Variants in PSG3 observed in about 807,000 individuals in gnomAD.
The protein encoded by PSG3 is pregnancy-specific beta-1-glycoprotein 3.
Under a neutral mutation model 47.5 loss-of-function variants are expected in PSG3, and 61 were observed. The observed-to-expected ratio is 1.28, with a 90% CI of 1.05 to 1.59. The LOEUF (loss-of-function observed/expected upper bound fraction) is 1.59, where lower values mean the gene tolerates loss of function less well. Ranked by LOEUF, PSG3 falls within the 40% of genes most tolerant of loss-of-function variation. The pLI, the probability that PSG3 is intolerant of heterozygous loss-of-function variation, is 0.00. For missense variants in PSG3, 756 were observed against 524.0 expected (o/e 1.44, Z -4.32); for synonymous variants, 263 against 198.4 (o/e 1.33, Z -2.74).
At chr19:42,729,022 G>A in intron 5 of PSG3, 101 bp downstream of exon 5, 1 of 1,599,244 alleles carries the variant, frequency 6.3e-7, no homozygotes, top group Non-Finnish European at 8.5e-7. Context: ...TTGTGCCCAT[G>A]GGACACAGGC....
chr19:42,736,612 TTGTGTGTGTGTGTG>T (rs61479007), intron 2 of PSG3, among the ~76,000 whole-genome samples: 45 of 138,740 alleles, frequency 3.2e-4, no homozygotes, highest in Middle Eastern at 7.0e-3. Context: ...TTCAATACAT[TTGTGTGTGTGTGTG>T]TGTGTGTGTG....
rs763988004 is a variant in PSG3 at position 42,732,811 on chromosome 19, T to C, written c.682A>G (p.Ser228Gly). The C allele has an allele frequency of 1.2e-5, 20 of 1,614,166 alleles. No homozygotes were observed. The East Asian group carries it at 1.8e-4, about 14-fold the overall frequency. The change falls in exon 3 of 7, where the codon AGT becomes GGT. Residue 228 changes from serine to glycine, a missense_variant. By Grantham distance (56) the Ser-to-Gly change is moderately conservative (BLOSUM62 0). Coordinates refer to ENST00000327495, the MANE Select transcript of PSG3 (RefSeq NM_021016.4). The stretch of plus-strand genomic sequence containing the variant: ...AGGAGATTCAGGGTGACTGGGTCAC[T>C]GCGGCTGGCACTCACTGGGTTCCGT... ...EIRNPVSASRSDPVTLNLLPK... is the reference protein window; with the variant it reads ...EIRNPVSASRGDPVTLNLLPK...
At chr19:42,725,670 G>T (rs1417310648) in intron 5 of PSG3, among the ~76,000 whole-genome samples, 1 of 152,004 alleles carries the variant, frequency 6.6e-6, no homozygotes, top group Non-Finnish European at 1.5e-5. Context: ...ACCAGCATAG[G>T]TAACCTGGGG....
intron 2 of PSG3, among the ~76,000 whole-genome samples, chr19:42,737,869 C>G (rs886307476): frequency 2.0e-5 from 3 of 152,206 alleles, no homozygotes; most frequent in South Asian, 2.1e-4. Context: ...TTCATGCTAT[C>G]TGTGAATAAA....
intron 2 of PSG3, among the ~76,000 whole-genome samples, chr19:42,738,490 C>G (rs1969604064): frequency 2.0e-5 from 3 of 152,186 alleles, no homozygotes; most frequent in Admixed American, 2.0e-4. Flanking sequence ...TGCTGAGTCC[C>G]CCCATCAGAC....
chr19:42,724,806 T>C (rs921703420), intron 5 of PSG3, among the ~76,000 whole-genome samples: 19 of 152,016 alleles, frequency 1.2e-4, no homozygotes, highest in African/African-American at 3.6e-4. Context: ...TGCACTTAGC[T>C]TTTTTTCTTT....
At position 42,729,207 on chromosome 19, in the gene PSG3, T is replaced by C; in HGVS notation, c.1159A>G (p.Lys387Glu). 6.2e-7 allele frequency: 1 copy of C among 1,613,956 alleles called. No homozygotes were observed. The highest frequency in any genetic ancestry group is 1.1e-5 in the South Asian group (1 of 91,078). Reference sequence around the variant, plus strand: ...GAGCAAGCATAGAGCCCGCTATGCTTTGTAGTAATCTGGGGGATAAAGAGC... The same window carrying C: ...GAGCAAGCATAGAGCCCGCTATGCTCTGTAGTAATCTGGGGGATAAAGAGC... ...QKLFIPQITT[K>E]HSGLYACSVR... The change falls in exon 5 of 7, where the codon AAG (lysine) becomes GAG (glutamate). Residue 387 changes from lysine to glutamate, a missense_variant. Physicochemically the swap from Lys to Glu is moderately conservative, Grantham distance 56 (BLOSUM62 1). Transcript: ENST00000327495.
intron 6 of PSG3, among the ~76,000 whole-genome samples, 181 bp from the exon 7 acceptor site, chr19:42,722,271 G>A (rs1330778842): frequency 2.0e-5 from 3 of 151,662 alleles, no homozygotes; most frequent in East Asian, 3.9e-4. Context: ...TTTTTTTTGA[G>A]ACGGAGTCTC....
At chr19:42,734,769 A>C (rs190845899) in intron 2 of PSG3, among the ~76,000 whole-genome samples, 9 of 152,314 alleles carry the variant, frequency 5.9e-5, no homozygotes, top group Admixed American at 2.6e-4. Flanking sequence ...GCATAAAGGG[A>C]GGAAGGATGC....
chr19:42,739,184 A>T, intron 1 of PSG3, 95 bp from the exon 2 acceptor site: 1 of 1,442,158 alleles, frequency 6.9e-7, no homozygotes, highest in Middle Eastern at 2.1e-4. Flanking sequence ...TTCAATCCTC[A>T]GCTTTGAAGA....
intron 1 of PSG3, among the ~76,000 whole-genome samples, chr19:42,739,984 G>T (rs996753648): frequency 3.5e-5 from 5 of 143,462 alleles, no homozygotes; most frequent in Admixed American, 7.2e-5. Context: ...ACGGAGTCTT[G>T]TACTGTCGCC....
At chr19:42,735,218 A>AT (rs1969543233) in intron 2 of PSG3, among the ~76,000 whole-genome samples, 1 of 152,144 alleles carries the variant, frequency 6.6e-6, no homozygotes, top group African/African-American at 2.4e-5. Flanking sequence ...ATGAAGTTGA[A>AT]ATGTTGTTCC....
At chr19:42,739,270 CTA>C (rs1600392823) in intron 1 of PSG3, 181 bp from the exon 2 acceptor site, 2 of 1,121,380 alleles carry the variant, frequency 1.8e-6, no homozygotes, top group East Asian at 5.0e-5. Flanking sequence ...TCCTACTCTC[CTA>C]CTAGGTGAAG....
At chr19:42,737,051 G>T (rs368034003) in intron 2 of PSG3, among the ~76,000 whole-genome samples, 1 of 152,200 alleles carries the variant, frequency 6.6e-6, no homozygotes, top group African/African-American at 2.4e-5. Context: ...GCAGAGAGAG[G>T]CAGAGACACC....
chr19:42,735,130 C>T lies in PSG3; in HGVS notation c.431-2068G>A, dbSNP rs149842147. 9.8e-3 allele frequency among the ~76,000 whole-genome samples: 1,497 copies of T among 152,282 alleles called. 31 individuals carry two copies. The highest frequency in any genetic ancestry group is 0.034 in the African/African-American group (1,430 of 41,560). ...CCCAAAACCACCAGTATTCCCATTACGTGTATCTTATAGCCTTTGTAGTTG... is the reference window on the plus strand; with the variant it reads ...CCCAAAACCACCAGTATTCCCATTATGTGTATCTTATAGCCTTTGTAGTTG... On this transcript the variant is annotated intron_variant, in intron 2 of 6. Transcript: ENST00000327495.
chr19:42,736,817 T>C (rs1969571931), intron 2 of PSG3, among the ~76,000 whole-genome samples: 1 of 152,136 alleles, frequency 6.6e-6, no homozygotes, highest in Non-Finnish European at 1.5e-5. Context: ...CTGGGGACAT[T>C]GGCTCTAGAG....
At chr19:42,737,041 G>A (rs936527739) in intron 2 of PSG3, among the ~76,000 whole-genome samples, 1 of 152,114 alleles carries the variant, frequency 6.6e-6, no homozygotes, top group African/African-American at 2.4e-5. Flanking sequence ...ACACAGAGAA[G>A]CAGAGAGAGG....
chr19:42,734,089 T>G (rs1046246330), intron 2 of PSG3: 3 of 152,186 alleles, frequency 2.0e-5, no homozygotes, highest in African/African-American at 4.8e-5. Context: ...TGTAGAATAG[T>G]AGTTTCCAGG....
At chr19:42,735,022 G>A (rs1304201478) in intron 2 of PSG3, among the ~76,000 whole-genome samples, 3 of 152,122 alleles carry the variant, frequency 2.0e-5, no homozygotes, top group African/African-American at 4.8e-5. Context: ...TTATGAAAAC[G>A]GCATCATCAT....
Sources: allele counts gnomAD v4.1 joint callset (sites outside exome capture counted in the v4.1 genomes callset), GRCh38; gene constraint gnomAD v4.1.1; transcripts MANE v1.5; gene names NCBI Gene and HGNC (gene_info 2026-07-23, HGNC 2026-07-21).